Variants in NADK observed in about 807,000 individuals in gnomAD.
NADK encodes the protein poly(P)/ATP NAD kinase.
A neutral mutation model predicts 49.8 loss-of-function variants in NADK; 22 were observed. That is an observed-to-expected ratio of 0.44 (90% confidence interval 0.32 to 0.63). The LOEUF (loss-of-function observed/expected upper bound fraction) is 0.63. Among genes scored for constraint, NADK ranks in the 30% least tolerant of loss-of-function variants. The pLI is 0.06. For missense variants in NADK, 438 were observed against 609.4 expected, an observed-to-expected ratio of 0.72 and a Z score of 2.96; for synonymous variants, 268 against 253.7, an observed-to-expected ratio of 1.06 and a Z score of -0.54.
At chr1:1,768,709 G>T (rs1484426657) in intron 1 of NADK, among the ~76,000 whole-genome samples, 1 of 152,184 alleles carries the variant, frequency 6.6e-6, no homozygotes, top group East Asian at 1.9e-4. Flanking sequence ...CCTGACCTTG[G>T]ACTCTTGGCC....
chr1:1,752,769 C>G lies in NADK; in HGVS notation c.*135G>C. 1 of 1,057,032 alleles carries G rather than the reference C, an allele frequency of 9.5e-7. No individual in the cohort carries two copies. Among genetic ancestry groups the G allele is most frequent in the Non-Finnish European group, 1.4e-6 (1 of 728,514 alleles). 65.5% of individuals were successfully genotyped at this position (1,057,032 alleles called of 1,614,324 possible). Reference sequence around the variant, plus strand: ...AGCTGATCTGGACAAAAGGCAGACCCAGGCTCTAACCCAGCTACAGAAAGG... The same window carrying G: ...AGCTGATCTGGACAAAAGGCAGACCGAGGCTCTAACCCAGCTACAGAAAGG... On this transcript the variant is annotated 3_prime_UTR_variant, in exon 12 of 12. Coordinates refer to ENST00000341426, the MANE Select transcript of NADK (RefSeq NM_023018.5).
chr1:1,769,443 C>T (rs1418519887), intron 1 of NADK, among the ~76,000 whole-genome samples: 2 of 152,114 alleles, frequency 1.3e-5, no homozygotes, highest in East Asian at 1.9e-4. Context: ...CCCAGCTACT[C>T]AGGAGGCTGA....
rs772539818 is a variant in NADK, at chr1:1,755,470, C to T, written c.592G>A (p.Val198Ile). ...LYASSLFQGS[V>I]PPVMAFHLGS... ...AGGTGGAAGGCCATGACCGGAGGGA[C>T]GCTGCCCTGTGAGCCGACGGAGAGG... The change falls in exon 7 of 12, where the codon GTC becomes ATC. Residue 198 changes from valine to isoleucine, a missense_variant. Physicochemically the swap from Val to Ile is conservative, Grantham distance 29. Coordinates refer to ENST00000341426, the MANE Select transcript of NADK (RefSeq NM_023018.5). The T allele has an allele frequency of 1.9e-6, 3 of 1,613,380 alleles. No homozygotes were observed. Among genetic ancestry groups the T allele is most frequent in the African/African-American group, 1.3e-5 (1 of 74,896 alleles).
At chr1:1,758,500 G>A (rs1401891091) in intron 3 of NADK, 1 of 1,610,912 alleles carries the variant, frequency 6.2e-7, no homozygotes, top group African/African-American at 1.3e-5. Flanking sequence ...ACAGCATCCA[G>A]GCCACGCTTG....
Position 1,754,436 on chromosome 1 carries a change from C to G in NADK, c.844-53G>C. On this transcript the variant is annotated intron_variant, in intron 8 of 11. Coordinates refer to ENST00000341426, the MANE Select transcript of NADK (RefSeq NM_023018.5). The surrounding 1 kb of genome is among the most constrained non-coding windows in gnomAD (Gnocchi z 4.3). Reference sequence around the variant, plus strand: ...AGGGCGGGGGATGCCGCACGGCTCGCAGACACCCTCCGTCTCACCCAGCCG... The same window carrying G: ...AGGGCGGGGGATGCCGCACGGCTCGGAGACACCCTCCGTCTCACCCAGCCG... 6.2e-7 allele frequency: 1 copy of G among 1,609,484 alleles called. No homozygotes were observed. The highest frequency in any genetic ancestry group is 8.5e-7 in the Non-Finnish European group (1 of 1,176,864).
At chr1:1,769,351 A>G (rs1351105860) in intron 1 of NADK, among the ~76,000 whole-genome samples, 1 of 152,256 alleles carries the variant, frequency 6.6e-6, no homozygotes, top group Non-Finnish European at 1.5e-5. Context: ...GTTTGTGACC[A>G]GCCTGGCCAA....
Position 1,778,019 on chromosome 1 carries a change from CT to C in NADK, c.-41+269del, listed in dbSNP as rs760862490. 6.6e-6 allele frequency among the ~76,000 whole-genome samples: 1 copy of C among 152,198 alleles called. No individual in the cohort carries two copies. The highest frequency in any genetic ancestry group is 1.5e-5 in the Non-Finnish European group (1 of 68,030). On this transcript the variant is annotated intron_variant, in intron 1 of 11. Coordinates refer to ENST00000341426, the MANE Select transcript of NADK (RefSeq NM_023018.5). The surrounding 1 kb of genome is among the most constrained non-coding windows in gnomAD (Gnocchi z 4.9). The stretch of plus-strand genomic sequence containing the variant: ...AGGCGACTGACAAGCGCGGTCCGGG[CT>C]GGACGGCCCCACCTTCCCCGCCCGG...
intron 11 of NADK, 65 bp downstream of exon 11, chr1:1,753,483 ACAGGCCAACCGCAAGAGGG>A: frequency 8.5e-7 from 1 of 1,174,520 alleles, no homozygotes; most frequent in East Asian, 2.5e-5. Context: ...AGCTGTGTCT[ACAGGCCAACCGCAAGAGGG>A]CAGGCGCTGC....
upstream of NADK, among the ~76,000 whole-genome samples, chr1:1,779,667 T>TTG (rs34618817): frequency 0.39 from 58,575 of 148,564 alleles, 11,397 homozygotes; most frequent in Middle Eastern, 0.5. Context: ...ATATATATAT[T>TTG]TGTGTGTGTG....
chr1:1,758,385 A>T (rs1557841457), intron 3 of NADK: 1 of 1,610,526 alleles, frequency 6.2e-7, no homozygotes, highest in Non-Finnish European at 8.5e-7. Context: ...CATTACTGGG[A>T]GGCGTGGGGT....
chr1:1,759,077 TCCC>T, intron 3 of NADK: 1 of 1,506,418 alleles, frequency 6.6e-7, no homozygotes, highest in Non-Finnish European at 8.9e-7. Context: ...CCCCCTGCTC[TCCC>T]CGCCAACAGT....
Position 1,759,401 on chromosome 1 carries a change from C to T in NADK, c.264-2091G>A, listed in dbSNP as rs542125075. ...AAGCCAGCATGGCCACAGCCTGGCC[C>T]GCCTGGCCAGCTCCTACTGAGACTG... On this transcript the variant is annotated intron_variant, in intron 3 of 11. Coordinates refer to ENST00000341426, the MANE Select transcript of NADK (RefSeq NM_023018.5). Among the ~76,000 whole-genome samples, 16 of 152,320 alleles carry T rather than the reference C, an allele frequency of 1.1e-4. No homozygotes were observed. In the East Asian group the frequency reaches 2.9e-3, roughly 28 times the overall value.
At chr1:1,758,495 A>G in intron 3 of NADK, 1 of 1,611,948 alleles carries the variant, frequency 6.2e-7, no homozygotes, top group East Asian at 2.2e-5. Flanking sequence ...TGTCCACAGC[A>G]TCCAGGCCAC....
rs751168911 is a variant in NADK at position 1,758,433 on chromosome 1, G to A, written c.264-1123C>T. The A allele has an allele frequency of 1.9e-6, 3 of 1,612,224 alleles. No homozygotes were observed. In the Middle Eastern group the frequency reaches 5.4e-4, roughly 291 times the overall value. ...CCCCTATGAGCTCAGCACCTGCCGG[G>A]TCACACATGTGGCTCGCGAGGTAGC... On this transcript the variant is annotated intron_variant, in intron 3 of 11. Coordinates refer to ENST00000341426, the MANE Select transcript of NADK (RefSeq NM_023018.5).
chr1:1,753,941 C>T (rs1645419873), intron 10 of NADK, 110 bp downstream of exon 10: 23 of 1,377,318 alleles, frequency 1.7e-5, no homozygotes, highest in South Asian at 2.8e-5. Flanking sequence ...ATGACGAGGC[C>T]GCGTCTGAGG....
In NADK at chr1:1,754,509, G is replaced by C. The variant is rs1427507681; in HGVS notation, c.843+35C>G. ...CCTGGGACCGAAGTCGCCCCACCCT[G>C]GGCCCCTCACCGAGGCCGAGGCGCC... On this transcript the variant is annotated intron_variant, in intron 8 of 11. Coordinates refer to ENST00000341426, the MANE Select transcript of NADK (RefSeq NM_023018.5). This position sits in a 1 kb window ranked among gnomAD's most constrained non-coding sequence, Gnocchi z 4.3. 6.9e-7 allele frequency: 1 copy of C among 1,446,274 alleles called. No homozygotes were observed. 89.6% of individuals were successfully genotyped at this position (1,446,274 alleles called of 1,614,324 possible). A position where few individuals can be genotyped will look rare whatever the true frequency, so the allele number is the denominator to read the frequency against.
In NADK at chr1:1,770,434, A is replaced by G. The variant is rs1255787026; in HGVS notation, c.-40-4988T>C. Among the ~76,000 whole-genome samples, 6 of 152,360 alleles carry G rather than the reference A, an allele frequency of 3.9e-5. No individual in the cohort carries two copies. In the East Asian group the frequency reaches 9.6e-4, roughly 24 times the overall value. ...ACATGACATTTCTATGTAGAAAAAC[A>G]AATAAGTGAGTTTATTAGCAAGGTT... On this transcript the variant is annotated intron_variant, in intron 1 of 11. Transcript: ENST00000341426.
chr1:1,758,192 T>A, intron 3 of NADK, among the ~76,000 whole-genome samples: 1 of 152,192 alleles, frequency 6.6e-6, no homozygotes, highest in Non-Finnish European at 1.5e-5. Context: ...TAGTTCCAAG[T>A]TGCCCAATCG....
intron 1 of NADK, among the ~76,000 whole-genome samples, chr1:1,774,607 C>CA (rs1646155792): frequency 1.3e-5 from 2 of 151,358 alleles, no homozygotes; most frequent in South Asian, 4.2e-4. Context: ...GGCCACTGCG[C>CA]GCGGCCACCA....
Sources: gnomAD v4.1 joint callset for allele counts (sites outside exome capture counted in the v4.1 genomes callset) on GRCh38, gnomAD v4.1.1 for gene constraint, Gnocchi (gnomAD v3.1) non-coding constraint, MANE v1.5 for transcripts, NCBI Gene and HGNC (gene_info 2026-07-23, HGNC 2026-07-21) for gene names.